The following PCGF5 variants were observed in gnomAD, a reference collection of about 807,000 sequenced individuals.
The protein encoded by PCGF5 is polycomb group ring finger 5, also known as polycomb group RING finger protein 5.
PCGF5 carries 9 observed loss-of-function variants against 44.3 expected under a neutral mutation model. The ratio of observed to expected loss-of-function variants is 0.20; its 90% CI spans 0.12 to 0.35. The LOEUF is 0.35. Among genes scored for constraint, PCGF5 ranks in the 10% least tolerant of loss-of-function variants. The pLI is 1.00. For missense variants in PCGF5, 146 were observed against 305.3 expected (o/e 0.48, Z 3.89); for synonymous variants, 95 against 102.5 (o/e 0.93, Z 0.44).
chr10:91,259,506 T>C (rs985120911), intron 6 of PCGF5, among the ~76,000 whole-genome samples: 1 of 152,138 alleles, frequency 6.6e-6, no homozygotes, highest in Non-Finnish European at 1.5e-5. Flanking sequence ...GAGCCCGCAT[T>C]GCCAAGTCAA....
chr10:91,244,733 G>A (rs1845414443), intron 3 of PCGF5, among the ~76,000 whole-genome samples: 2 of 152,154 alleles, frequency 1.3e-5, no homozygotes, highest in South Asian at 4.1e-4. Context: ...ATCCAGCAAG[G>A]TTTGCTGGTG....
chr10:91,267,083 C>T (rs960193187), intron 8 of PCGF5, among the ~76,000 whole-genome samples: 11 of 152,126 alleles, frequency 7.2e-5, no homozygotes, highest in African/African-American at 2.7e-4. Flanking sequence ...ATACAGTCTT[C>T]CCCAGATACT....
chr10:91,254,200 C>T (rs946448018), intron 6 of PCGF5, among the ~76,000 whole-genome samples: 5 of 130,554 alleles, frequency 3.8e-5, no homozygotes, highest in African/African-American at 1.0e-4. Context: ...TTCCCCTCCA[C>T]CTCGTGTGTG....
intron 6 of PCGF5, among the ~76,000 whole-genome samples, chr10:91,259,486 A>G (rs886733128): frequency 6.6e-6 from 1 of 152,178 alleles, no homozygotes; most frequent in Non-Finnish European, 1.5e-5. Flanking sequence ...GTTCATATGG[A>G]ACCAAAAAAG....
At chr10:91,208,028 T>C (rs1013284339) in intron 1 of PCGF5, among the ~76,000 whole-genome samples, 2 of 152,216 alleles carry the variant, frequency 1.3e-5, no homozygotes, top group African/African-American at 4.8e-5. Flanking sequence ...GAAATTAGAC[T>C]ATCTCTGTCG....
intron 8 of PCGF5, among the ~76,000 whole-genome samples, chr10:91,270,547 C>T (rs1316198542): frequency 1.3e-5 from 2 of 152,120 alleles, no homozygotes; most frequent in Non-Finnish European, 2.9e-5. Flanking sequence ...GCCCGCCTTA[C>T]AGCATGTTGA....
chr10:91,177,863 C>T (rs138011103), intron 1 of PCGF5, among the ~76,000 whole-genome samples: 104 of 152,314 alleles, frequency 6.8e-4, no homozygotes, highest in African/African-American at 2.3e-3. Context: ...CTGGGTGAGG[C>T]GATGCCTCTC....
upstream of PCGF5, chr10:91,220,292 T>C (rs1383649565): frequency 6.6e-6 from 1 of 152,272 alleles, no homozygotes; most frequent in South Asian, 2.1e-4. Context: ...TGGGACAGAC[T>C]TGGGGAAGAC....
intron 2 of PCGF5, among the ~76,000 whole-genome samples, chr10:91,236,021 T>C (rs1319239188): frequency 2.0e-5 from 3 of 152,174 alleles, no homozygotes; most frequent in Admixed American, 2.0e-4. Flanking sequence ...GAGGTTGCAG[T>C]GAACCATGAT....
At chr10:91,192,515 CA>C (rs1435975420) in intron 1 of PCGF5, among the ~76,000 whole-genome samples, 1 of 152,132 alleles carries the variant, frequency 6.6e-6, no homozygotes, top group African/African-American at 2.4e-5. Context: ...TTAGCATTTT[CA>C]AACAGTTGAA....
chr10:91,231,075 AT>A (rs1844989968), intron 2 of PCGF5, among the ~76,000 whole-genome samples: 2 of 152,180 alleles, frequency 1.3e-5, no homozygotes, highest in Admixed American at 1.3e-4. Context: ...TGTCAAAAAA[AT>A]TACTAGTAAA....
upstream of PCGF5, among the ~76,000 whole-genome samples, chr10:91,218,532 T>C (rs1383775534): frequency 2.6e-5 from 4 of 152,180 alleles, no homozygotes; most frequent in Non-Finnish European, 5.9e-5. Context: ...GCACAGCAGC[T>C]GAAAGTCCCA....
chr10:91,250,737 T>C (rs1459822241), intron 5 of PCGF5, among the ~76,000 whole-genome samples: 1 of 151,846 alleles, frequency 6.6e-6, no homozygotes, highest in African/African-American at 2.4e-5. Flanking sequence ...GAGATATCTT[T>C]AATGGAGTTG....
At chr10:91,202,167 C>A (rs1844265730) in intron 1 of PCGF5, among the ~76,000 whole-genome samples, 1 of 152,168 alleles carries the variant, frequency 6.6e-6, no homozygotes, top group Non-Finnish European at 1.5e-5. Flanking sequence ...TGCTTAGAAC[C>A]ATGCCTTCGT....
intron 1 of PCGF5, among the ~76,000 whole-genome samples, chr10:91,179,067 T>G (rs1488345488): frequency 6.6e-6 from 1 of 152,250 alleles, no homozygotes; most frequent in East Asian, 1.9e-4. Context: ...CTGCTTCTGA[T>G]AAGGAGCTAG....
At chr10:91,160,326 G>A (rs1843361672), upstream of PCGF5, among the ~76,000 whole-genome samples, 1 of 152,182 alleles carries the variant, frequency 6.6e-6, no homozygotes, top group African/African-American at 2.4e-5. Context: ...TAAGAAGAAA[G>A]GTTGCAGGGA....
intron 1 of PCGF5, among the ~76,000 whole-genome samples, chr10:91,214,078 G>A (rs1244560112): frequency 2.6e-5 from 4 of 152,106 alleles, no homozygotes; most frequent in Non-Finnish European, 4.4e-5. Context: ...AAGGTGGGTG[G>A]ATTGCTTGAG....
Position 91,251,266 on chromosome 10 carries a change from A to T in PCGF5, c.326-26A>T, listed in dbSNP as rs189609495. ...TTAAAATCAACTTTGATTTATAGCT[A>T]ACTTAGTTTTGTTTAAATTATACAG... On this transcript the variant is annotated intron_variant, in intron 5 of 9. Transcript: ENST00000336126. 592 of 1,562,124 alleles carry T rather than the reference A, an allele frequency of 3.8e-4. 1 individual carries two copies. The African/African-American group carries it at 7.0e-3, about 19-fold the overall frequency.
intron 2 of PCGF5, among the ~76,000 whole-genome samples, chr10:91,233,720 C>T (rs188023044): frequency 5.3e-5 from 8 of 152,244 alleles, no homozygotes; most frequent in Non-Finnish European, 1.2e-4. Context: ...AACATGACCA[C>T]AGTTTACTTA....
Sources: allele counts gnomAD v4.1 joint callset (sites outside exome capture counted in the v4.1 genomes callset), GRCh38; gene constraint gnomAD v4.1.1; transcripts MANE v1.5; gene names NCBI Gene and HGNC (gene_info 2026-07-23, HGNC 2026-07-21).